Variants in LAPTM4B observed in about 807,000 individuals in gnomAD.
The protein encoded by LAPTM4B is lysosomal-associated transmembrane protein 4B.
Under a neutral mutation model 28.5 loss-of-function variants are expected in LAPTM4B, and 26 were observed. That is an observed-to-expected ratio of 0.91 (90% CI 0.67 to 1.27). The LOEUF (loss-of-function observed/expected upper bound fraction) is 1.27, where lower values mean the gene tolerates loss of function less well. LAPTM4B is among the 50% of genes most tolerant of loss of function. The pLI is 0.00. For synonymous variants in LAPTM4B, 109 were observed against 106.4 expected (o/e 1.02, Z -0.15); for missense variants, 288 against 285.8 (o/e 1.01, Z -0.06).
chr8:97,824,171 C>T (rs565229226), intron 5 of LAPTM4B, among the ~76,000 whole-genome samples: 14 of 151,988 alleles, frequency 9.2e-5, no homozygotes, highest in South Asian at 2.1e-4. Flanking sequence ...TCATTTTATT[C>T]GGTATATATT....
At chr8:97,796,840 T>C (rs1816592656) in intron 1 of LAPTM4B, among the ~76,000 whole-genome samples, 1 of 152,174 alleles carries the variant, frequency 6.6e-6, no homozygotes, top group African/African-American at 2.4e-5. Flanking sequence ...CTCAGGAGGC[T>C]GAGGCAGGAG....
intron 3 of LAPTM4B, among the ~76,000 whole-genome samples, chr8:97,815,704 C>G (rs569899250): frequency 5.3e-5 from 8 of 152,008 alleles, no homozygotes; most frequent in Non-Finnish European, 8.8e-5. Flanking sequence ...GTAGCTGGGA[C>G]TACAGGTGTG....
At chr8:97,782,906 T>TTTTTTTTTA (rs377520166) in intron 1 of LAPTM4B, among the ~76,000 whole-genome samples, 2 of 135,116 alleles carry the variant, frequency 1.5e-5, no homozygotes, top group Non-Finnish European at 3.1e-5. Flanking sequence ...TAATTTTGTA[T>TTTTTTTTTA]TTTATTTATT....
chr8:97,823,518 G>A (rs1158220121), intron 5 of LAPTM4B, among the ~76,000 whole-genome samples: 1 of 151,566 alleles, frequency 6.6e-6, no homozygotes, highest in Non-Finnish European at 1.5e-5. Context: ...GGGATTACAG[G>A]CATGCATCCC....
rs139095172 is a variant in LAPTM4B, at chr8:97,834,483, G to A, written c.603+9330G>A. Among the ~76,000 whole-genome samples the A allele has an allele frequency of 4.2e-4, 64 of 152,220 alleles. No individual in the cohort carries two copies. The East Asian group carries it at 9.6e-3, about 23-fold the overall frequency. On this transcript the variant is annotated intron_variant, in intron 6 of 6. Transcript: ENST00000521545. ...AGTTAATATAATTAATGCTCAAGTT[G>A]TGCTATCTTTGGCCACTTGGAGTCT...
At chr8:97,779,253 G>C (rs916672678) in intron 1 of LAPTM4B, among the ~76,000 whole-genome samples, 1 of 151,974 alleles carries the variant, frequency 6.6e-6, no homozygotes, top group Non-Finnish European at 1.5e-5. Context: ...GGCTGAGGCG[G>C]GCAGATCATT....
intron 1 of LAPTM4B, among the ~76,000 whole-genome samples, chr8:97,781,678 G>T (rs528798873): frequency 7.2e-5 from 11 of 152,310 alleles, no homozygotes; most frequent in African/African-American, 1.9e-4. Context: ...GTTCCCTTGT[G>T]CTGTTTCCCA....
intron 4 of LAPTM4B, among the ~76,000 whole-genome samples, chr8:97,816,710 T>C (rs1816922210): frequency 1.3e-5 from 2 of 152,192 alleles, no homozygotes; most frequent in Non-Finnish European, 2.9e-5. Flanking sequence ...AATGTAGTTT[T>C]CTCAGTTATC....
At chr8:97,789,059 TTTATTTA>T (rs1192812719) in intron 1 of LAPTM4B, among the ~76,000 whole-genome samples, 4 of 80,626 alleles carry the variant, frequency 5.0e-5, no homozygotes, top group African/African-American at 2.0e-4. Flanking sequence ...TATTTATTTA[TTTATTTA>T]TTTATTTATT....
intron 6 of LAPTM4B, among the ~76,000 whole-genome samples, chr8:97,850,508 A>T (rs1817508338): frequency 1.7e-5 from 1 of 59,122 alleles, no homozygotes; most frequent in South Asian, 3.4e-4. Flanking sequence ...GTGCAATGTG[A>T]CAAAAACTTA....
chr8:97,785,168 C>G (rs1816381101), intron 1 of LAPTM4B, among the ~76,000 whole-genome samples: 2 of 151,656 alleles, frequency 1.3e-5, no homozygotes, highest in South Asian at 4.2e-4. Context: ...TCCCTGCAAC[C>G]TCCACCTCCC....
chr8:97,778,487 G>T (rs1816260659), intron 1 of LAPTM4B, among the ~76,000 whole-genome samples: 1 of 152,032 alleles, frequency 6.6e-6, no homozygotes, highest in African/African-American at 2.4e-5. Context: ...CTTAACTTGT[G>T]CAAGCTGACT....
intron 2 of LAPTM4B, among the ~76,000 whole-genome samples, chr8:97,806,811 G>C (rs557370939): frequency 1.2e-4 from 18 of 152,176 alleles, no homozygotes; most frequent in African/African-American, 3.9e-4. Context: ...AGAAAAATTA[G>C]CCCAGTGTGG....
At chr8:97,806,540 T>C (rs765958920) in intron 2 of LAPTM4B, among the ~76,000 whole-genome samples, 1 of 152,178 alleles carries the variant, frequency 6.6e-6, no homozygotes, top group Non-Finnish European at 1.5e-5. Flanking sequence ...TTTCAGTAAC[T>C]AGCTGAGCAC....
At chr8:97,787,545 A>G (rs546938103) in intron 1 of LAPTM4B, among the ~76,000 whole-genome samples, 1 of 152,282 alleles carries the variant, frequency 6.6e-6, no homozygotes, top group South Asian at 2.1e-4. Flanking sequence ...CGGCCTCCCA[A>G]AGTGCTGGGA....
chr8:97,819,827 C>T (rs574329960), intron 5 of LAPTM4B, among the ~76,000 whole-genome samples: 52 of 148,994 alleles, frequency 3.5e-4, no homozygotes, highest in African/African-American at 1.1e-3. Flanking sequence ...CTTCGCCTCC[C>T]GGCTTCACGC....
At chr8:97,798,941 C>G (rs1285211046) in intron 1 of LAPTM4B, among the ~76,000 whole-genome samples, 1 of 152,212 alleles carries the variant, frequency 6.6e-6, no homozygotes, top group African/African-American at 2.4e-5. Context: ...TCGTCATAGT[C>G]CTTCCACTGA....
Position 97,839,473 on chromosome 8 carries a change from G to A in LAPTM4B, c.604-11924G>A, listed in dbSNP as rs113106863. ...CTCCCAAAGTGCTGGGATTACAGGC[G>A]TGAACCACTGCGCCCGGCCACCAAC... On this transcript the variant is annotated intron_variant, in intron 6 of 6. Transcript: ENST00000521545. 2.3e-3 allele frequency among the ~76,000 whole-genome samples: 356 copies of A among 152,258 alleles called. 1 individual carries two copies. The highest frequency in any genetic ancestry group is 8.0e-3 in the African/African-American group (332 of 41,548).
chr8:97,817,598 G>A (rs979846382), intron 4 of LAPTM4B, among the ~76,000 whole-genome samples: 56 of 151,418 alleles, frequency 3.7e-4, no homozygotes, highest in African/African-American at 1.3e-3. Flanking sequence ...ACAGGCACCC[G>A]CTACCAAGCC....
Sources: gnomAD v4.1 joint callset for allele counts (sites outside exome capture counted in the v4.1 genomes callset) on GRCh38, gnomAD v4.1.1 for gene constraint, MANE v1.5 for transcripts, NCBI Gene and HGNC (gene_info 2026-07-23, HGNC 2026-07-21) for gene names.